The following EXOSC7 variants were observed in gnomAD, a reference collection of about 807,000 sequenced individuals.
EXOSC7 encodes the protein exosome complex component RRP42.
In EXOSC7, 25 loss-of-function variants were observed where a neutral mutation model predicts 34.3. That is an observed-to-expected ratio of 0.73 (90% confidence interval 0.53 to 1.02). The LOEUF (loss-of-function observed/expected upper bound fraction) is 1.02. EXOSC7 is among the 50% of genes least tolerant of loss of function. The probability of loss-of-function intolerance (pLI) is 0.00; values close to 1 mark genes in which losing one functional copy is unlikely to be tolerated. For synonymous variants in EXOSC7, 130 were observed against 143.0 expected (o/e 0.91, Z 0.65); for missense variants, 370 against 368.5 (o/e 1.00, Z -0.03).
chr3:44,986,515 C>A (rs1247419208), intron 1 of EXOSC7, among the ~76,000 whole-genome samples: 1 of 152,202 alleles, frequency 6.6e-6, no homozygotes, highest in Non-Finnish European at 1.5e-5. Context: ...GAGCCGGCTC[C>A]CACCTTGGCC....
intron 7 of EXOSC7, among the ~76,000 whole-genome samples, chr3:45,009,588 G>A (rs1466887011): frequency 2.0e-5 from 3 of 148,736 alleles, no homozygotes; most frequent in African/African-American, 7.5e-5. Flanking sequence ...TCACACTATC[G>A]CCCAGGCTGG....
intron 1 of EXOSC7, chr3:44,977,258 C>T (rs1306849240): frequency 6.6e-6 from 1 of 152,242 alleles, no homozygotes; most frequent in Admixed American, 6.5e-5. Context: ...CGGTGTGGTC[C>T]TCCTATCAGA....
chr3:44,982,872 A>C (rs893106367), intron 1 of EXOSC7, among the ~76,000 whole-genome samples: 4 of 152,210 alleles, frequency 2.6e-5, no homozygotes, highest in African/African-American at 7.2e-5. Context: ...TGGAAAGTCA[A>C]ACAAGGATCA....
chr3:44,991,537 A>T (rs1480143088), intron 3 of EXOSC7, among the ~76,000 whole-genome samples: 1 of 152,178 alleles, frequency 6.6e-6, no homozygotes, highest in Admixed American at 6.5e-5. Flanking sequence ...CAGACCAAAG[A>T]CATTCAGCCC....
chr3:45,000,444 T>G (rs551821530), intron 4 of EXOSC7, among the ~76,000 whole-genome samples: 1 of 152,210 alleles, frequency 6.6e-6, no homozygotes, highest in African/African-American at 2.4e-5. Context: ...CCTTTCTTAT[T>G]TGGGGCAGCC....
intron 3 of EXOSC7, among the ~76,000 whole-genome samples, chr3:44,995,382 TC>T (rs1325686127): frequency 6.6e-6 from 1 of 152,150 alleles, no homozygotes; most frequent in Non-Finnish European, 1.5e-5. Flanking sequence ...AGTGCATTAA[TC>T]CCAAAGAAAT....
chr3:45,010,311 A>G (rs1003005595), intron 7 of EXOSC7, among the ~76,000 whole-genome samples: 7 of 152,166 alleles, frequency 4.6e-5, no homozygotes, highest in African/African-American at 1.7e-4. Context: ...ACAGTGGCAC[A>G]GTCACAGCTC....
At chr3:44,997,660 A>G (rs1446125282) in intron 4 of EXOSC7, among the ~76,000 whole-genome samples, 1 of 152,244 alleles carries the variant, frequency 6.6e-6, no homozygotes, top group African/African-American at 2.4e-5. Flanking sequence ...CCTGTTACAA[A>G]TGGACACTGT....
chr3:45,008,802 A>C (rs189874517), intron 7 of EXOSC7, among the ~76,000 whole-genome samples: 141 of 152,378 alleles, frequency 9.3e-4, no homozygotes, highest in African/African-American at 3.2e-3. Flanking sequence ...TTGTTTTAGA[A>C]GGTACTCTTC....
chr3:44,982,837 G>A (rs1256078551), intron 1 of EXOSC7, among the ~76,000 whole-genome samples: 1 of 152,220 alleles, frequency 6.6e-6, no homozygotes, highest in African/African-American at 2.4e-5. Context: ...TCCTTTCAGA[G>A]GAATGCCTGG....
chr3:44,979,062 A>G (rs1443485854), intron 1 of EXOSC7, among the ~76,000 whole-genome samples: 2 of 152,244 alleles, frequency 1.3e-5, no homozygotes, highest in African/African-American at 4.8e-5. Context: ...TGTGTATCAC[A>G]GAGCCATGCA....
At chr3:44,999,508 G>A (rs1007161113) in intron 4 of EXOSC7, among the ~76,000 whole-genome samples, 5 of 152,110 alleles carry the variant, frequency 3.3e-5, no homozygotes, top group African/African-American at 1.2e-4. Flanking sequence ...GGAAAACATG[G>A]TGAAACCCTG....
At chr3:44,999,706 G>A (rs1706822595) in intron 4 of EXOSC7, among the ~76,000 whole-genome samples, 1 of 151,910 alleles carries the variant, frequency 6.6e-6, no homozygotes, top group African/African-American at 2.4e-5. Context: ...AAAAAAAGTT[G>A]TCATCTTCAG....
At chr3:44,989,982 G>T (rs878937290) in intron 3 of EXOSC7, among the ~76,000 whole-genome samples, 1 of 152,202 alleles carries the variant, frequency 6.6e-6, no homozygotes. Context: ...GGATCATTTG[G>T]TCTAAAATGT....
At chr3:44,989,981 G>A (rs1488004255) in intron 3 of EXOSC7, among the ~76,000 whole-genome samples, 1 of 152,170 alleles carries the variant, frequency 6.6e-6, no homozygotes, top group Non-Finnish European at 1.5e-5. Context: ...AGGATCATTT[G>A]GTCTAAAATG....
chr3:44,997,322 C>A, intron 4 of EXOSC7, 70 bp downstream of exon 4: 3 of 1,461,642 alleles, frequency 2.1e-6, no homozygotes, highest in Admixed American at 1.9e-5. Flanking sequence ...TATTTTCCTT[C>A]CAGTGCTTTT....
In EXOSC7 at chr3:44,976,283, G is replaced by A; in HGVS notation, c.6G>A (p.Ala2=). 2 of 1,562,358 alleles carry A rather than the reference G, an allele frequency of 1.3e-6. No individual in the cohort carries two copies. The highest frequency in any genetic ancestry group is 1.7e-6 in the Non-Finnish European group (2 of 1,160,342). M[A]SVTLSEAEKV... is the part of the protein sequence containing the mutation. Reference sequence around the variant, plus strand: ...TCGTGGGGCAGCTCGGCAGCATGGCGTCCGTGACGCTGAGCGAGGCGGAGA... The same window carrying A: ...TCGTGGGGCAGCTCGGCAGCATGGCATCCGTGACGCTGAGCGAGGCGGAGA... Residue 2 remains alanine (A), a synonymous_variant, in exon 1 of 8, where the codon GCG becomes GCA. Coordinates refer to ENST00000265564, the MANE Select transcript of EXOSC7 (RefSeq NM_015004.4).
At chr3:44,977,027 C>G (rs1269009834) in intron 1 of EXOSC7, 3 of 151,920 alleles carry the variant, frequency 2.0e-5, no homozygotes, top group Admixed American at 2.0e-4. Context: ...TGCAGTGAGC[C>G]GAGTCTCAAA....
At chr3:45,008,377 G>C (rs1707114703) in intron 7 of EXOSC7, among the ~76,000 whole-genome samples, 1 of 152,180 alleles carries the variant, frequency 6.6e-6, no homozygotes, top group Admixed American at 6.5e-5. Flanking sequence ...CTCTTCTTTT[G>C]TGTTTAGAAA....
Sources: gnomAD v4.1 joint callset for allele counts (sites outside exome capture counted in the v4.1 genomes callset) on GRCh38, gnomAD v4.1.1 for gene constraint, MANE v1.5 for transcripts, NCBI Gene and HGNC (gene_info 2026-07-23, HGNC 2026-07-21) for gene names.